The following AGTPBP1 variants were observed in gnomAD, a reference collection of about 807,000 sequenced individuals.
The protein encoded by AGTPBP1 is cytosolic carboxypeptidase 1.
A neutral mutation model predicts 143.9 loss-of-function variants in AGTPBP1; 70 were observed. The ratio of observed to expected loss-of-function variants is 0.49; its 90% CI spans 0.40 to 0.59. The LOEUF (loss-of-function observed/expected upper bound fraction) is 0.59. AGTPBP1 is among the 20% of genes least tolerant of loss of function. AGTPBP1 has a pLI of 0.00. For synonymous variants in AGTPBP1, 463 were observed against 500.2 expected, an observed-to-expected ratio of 0.93 and a Z score of 0.99; for missense variants, 1,229 against 1,464.5, an observed-to-expected ratio of 0.84 and a Z score of 2.62.
chr9:85,790,738 T>C, the AGTPBP1 span, among the ~76,000 whole-genome samples: 2 of 152,220 alleles, frequency 1.3e-5, no homozygotes, highest in East Asian at 3.9e-4. Flanking sequence ...TTAGATATTA[T>C]GTTCTACTGG....
At chr9:85,651,579 C>A (rs950252615) in intron 11 of AGTPBP1, among the ~76,000 whole-genome samples, 5 of 152,154 alleles carry the variant, frequency 3.3e-5, no homozygotes, top group Admixed American at 6.5e-5. Context: ...GTAACGTCTA[C>A]ATTCTTGACA....
the AGTPBP1 span, among the ~76,000 whole-genome samples, chr9:85,752,444 T>C: frequency 6.6e-6 from 1 of 152,188 alleles, no homozygotes; most frequent in South Asian, 2.1e-4. Context: ...ATGAAAGTAA[T>C]AAGCTCAGAA....
intron 25 of AGTPBP1, among the ~76,000 whole-genome samples, chr9:85,550,154 T>C (rs1329976531): frequency 1.3e-5 from 2 of 150,842 alleles, no homozygotes; most frequent in East Asian, 2.0e-4. Context: ...CAAAGAGGTA[T>C]ACACAAGTGT....
intron 8 of AGTPBP1, among the ~76,000 whole-genome samples, chr9:85,664,015 TATAA>T (rs1402140262): frequency 6.6e-6 from 1 of 152,156 alleles, no homozygotes; most frequent in Admixed American, 6.6e-5. Context: ...TAAGTGAATC[TATAA>T]ATAATCATGA....
intron 1 of AGTPBP1, among the ~76,000 whole-genome samples, chr9:85,713,809 GT>G (rs1837533950): frequency 1.3e-5 from 2 of 152,006 alleles, no homozygotes; most frequent in Non-Finnish European, 2.9e-5. Flanking sequence ...TACATGAATT[GT>G]TTTTAAAGTC....
At chr9:85,786,166 G>A in the AGTPBP1 span, 3 of 1,602,860 alleles carry the variant, frequency 1.9e-6, no homozygotes, top group Non-Finnish European at 1.7e-6. Context: ...ATTAAAATGG[G>A]CATCCAGACC....
chr9:85,635,880 C>A (rs1395616928), intron 13 of AGTPBP1, among the ~76,000 whole-genome samples: 1 of 151,288 alleles, frequency 6.6e-6, no homozygotes, highest in Non-Finnish European at 1.5e-5. Context: ...AAATTTTAAA[C>A]CTTAGCTCTA....
At chr9:85,662,313 C>T (rs999770992) in intron 8 of AGTPBP1, among the ~76,000 whole-genome samples, 1 of 151,894 alleles carries the variant, frequency 6.6e-6, no homozygotes, top group Non-Finnish European at 1.5e-5. Context: ...TTTATAATAA[C>T]GAATTTGTAA....
chr9:85,637,293 T>G (rs1015823242), intron 13 of AGTPBP1, among the ~76,000 whole-genome samples: 2 of 152,102 alleles, frequency 1.3e-5, no homozygotes, highest in Non-Finnish European at 2.9e-5. Context: ...TCCACCCGCT[T>G]CAGCCTCTGA....
the AGTPBP1 span, among the ~76,000 whole-genome samples, chr9:85,756,703 A>T: frequency 9.0e-3 from 1,371 of 152,330 alleles, 8 homozygotes; most frequent in Non-Finnish European, 0.013. Context: ...AACACAAATG[A>T]TCATCAAGTG....
At chr9:85,741,351 C>A in intron 1 of AGTPBP1, 1 of 984,152 alleles carries the variant, frequency 1.0e-6, no homozygotes, top group South Asian at 4.8e-5. Context: ...ACCACTGGGG[C>A]GGGGGAGAGC....
the AGTPBP1 span, among the ~76,000 whole-genome samples, chr9:85,764,205 T>A: frequency 1.3e-5 from 2 of 151,830 alleles, no homozygotes; most frequent in African/African-American, 4.8e-5. Flanking sequence ...CTTTTTTTTT[T>A]TAAAAAGGCA....
the AGTPBP1 span, among the ~76,000 whole-genome samples, chr9:85,773,286 A>G: frequency 1.7e-5 from 2 of 117,424 alleles, no homozygotes; most frequent in African/African-American, 8.0e-5. Context: ...AAAAAAAAAA[A>G]GAAAGTGTCA....
intron 12 of AGTPBP1, 189 bp from the exon 13 acceptor site, chr9:85,643,132 T>C: frequency 1.9e-6 from 1 of 540,472 alleles, no homozygotes; most frequent in East Asian, 3.1e-5. Flanking sequence ...GTGTTATTGT[T>C]GGGTAGTTTT....
At chr9:85,758,253 T>G in the AGTPBP1 span, among the ~76,000 whole-genome samples, 1 of 152,096 alleles carries the variant, frequency 6.6e-6, no homozygotes, top group African/African-American at 2.4e-5. Context: ...CTGAAAAAAC[T>G]TCACAGAAAT....
chr9:85,618,568 A>T (rs1313850066), intron 17 of AGTPBP1, among the ~76,000 whole-genome samples: 1 of 151,618 alleles, frequency 6.6e-6, no homozygotes, highest in Non-Finnish European at 1.5e-5. Flanking sequence ...TTTTTTTTTT[A>T]ATAAATAAAT....
At chr9:85,643,716 A>G (rs916013359) in intron 12 of AGTPBP1, among the ~76,000 whole-genome samples, 1 of 152,176 alleles carries the variant, frequency 6.6e-6, no homozygotes, top group African/African-American at 2.4e-5. Context: ...GAGAAACAAG[A>G]TATGTATCCA....
intron 7 of AGTPBP1, among the ~76,000 whole-genome samples, chr9:85,671,710 C>A (rs951318974): frequency 6.6e-5 from 10 of 152,156 alleles, no homozygotes; most frequent in African/African-American, 2.4e-4. Context: ...ACACCTCATG[C>A]GTGGAACCTC....
At chr9:85,566,572 CT>C (rs1268073483) in intron 25 of AGTPBP1, among the ~76,000 whole-genome samples, 7 of 145,020 alleles carry the variant, frequency 4.8e-5, no homozygotes, top group African/African-American at 1.8e-4. Flanking sequence ...AAAGTACACA[CT>C]TTCAGGTTCC....
Sources: allele counts gnomAD v4.1 joint callset (sites outside exome capture counted in the v4.1 genomes callset), GRCh38; gene constraint gnomAD v4.1.1; transcripts MANE v1.5; gene names NCBI Gene and HGNC (gene_info 2026-07-23, HGNC 2026-07-21).